Variants in PTPRE observed in about 807,000 individuals in gnomAD.
The protein encoded by PTPRE is protein tyrosine phosphatase receptor type E, also known as receptor-type tyrosine-protein phosphatase epsilon.
A neutral mutation model predicts 102.0 loss-of-function variants in PTPRE; 51 were observed. The observed-to-expected ratio is 0.50, with a 90% CI of 0.40 to 0.63. The LOEUF is 0.63. Among genes scored for constraint, PTPRE ranks in the 30% least tolerant of loss-of-function variants. The pLI is 0.00. For missense variants in PTPRE, 752 were observed against 915.1 expected, an observed-to-expected ratio of 0.82 and a Z score of 2.30; for synonymous variants, 345 against 348.2, an observed-to-expected ratio of 0.99 and a Z score of 0.10.
intron 1 of PTPRE, among the ~76,000 whole-genome samples, chr10:127,908,439 G>A (rs900408631): frequency 7.9e-5 from 12 of 151,946 alleles, no homozygotes; most frequent in African/African-American, 2.4e-4. Flanking sequence ...TGTGTATGTG[G>A]GTGGGGAGGG....
At chr10:128,019,794 G>T (rs61873755) in intron 2 of PTPRE, among the ~76,000 whole-genome samples, 1 of 152,176 alleles carries the variant, frequency 6.6e-6, no homozygotes, top group Non-Finnish European at 1.5e-5. Flanking sequence ...AGGGTCCTGC[G>T]AGAGGTGTTG....
chr10:128,065,377 C>A (rs938057187), intron 10 of PTPRE, among the ~76,000 whole-genome samples: 4 of 152,104 alleles, frequency 2.6e-5, no homozygotes, highest in African/African-American at 9.7e-5. Context: ...CATTCACTCG[C>A]GAAGTGATGG....
At chr10:128,007,905 C>T (rs1051940659) in intron 2 of PTPRE, among the ~76,000 whole-genome samples, 12 of 152,196 alleles carry the variant, frequency 7.9e-5, no homozygotes, top group African/African-American at 2.9e-4. Flanking sequence ...ATGATTGTCT[C>T]TGAAATAAGA....
chr10:128,045,257 A>G (rs1019388334), intron 3 of PTPRE, among the ~76,000 whole-genome samples: 1 of 152,202 alleles, frequency 6.6e-6, no homozygotes, highest in Admixed American at 6.5e-5. Flanking sequence ...CCCGTCTTCT[A>G]TGGAAGTACC....
At chr10:128,023,313 G>C (rs1012456931) in intron 2 of PTPRE, among the ~76,000 whole-genome samples, 3 of 151,584 alleles carry the variant, frequency 2.0e-5, no homozygotes, top group Admixed American at 6.6e-5. Context: ...ATAGGAAAAA[G>C]GATAGTATAT....
chr10:128,079,828 C>A, intron 20 of PTPRE, 133 bp downstream of exon 20: 1 of 1,228,812 alleles, frequency 8.1e-7, no homozygotes, highest in Non-Finnish European at 1.1e-6. Context: ...AAAGAGCCAG[C>A]TGCAATGTTT....
Position 128,070,421 on chromosome 10 carries a change from G to T in PTPRE, c.1264G>T (p.Asp422Tyr). The stretch of plus-strand genomic sequence containing the variant: ...CATGCACGGCACCACCACCCACTTC[G>T]ACAAGATCGGGCTGGAGGAGGAGTT... Reference protein sequence around the residue: ...QTMHGTTTHFDKIGLEEEFRK... With the variant: ...QTMHGTTTHFYKIGLEEEFRK... Residue 422 changes from aspartate to tyrosine, a missense_variant, in exon 14 of 21, where the codon GAC becomes TAC. Transcript: ENST00000254667. This position sits in a 1 kb window ranked among gnomAD's most constrained non-coding sequence, Gnocchi z 4.8. 6.2e-7 allele frequency: 1 copy of T among 1,614,100 alleles called. No individual in the cohort carries two copies. Among genetic ancestry groups the T allele is most frequent in the Non-Finnish European group, 8.5e-7 (1 of 1,180,000 alleles).
At chr10:127,946,751 T>C (rs574504025) in intron 1 of PTPRE, among the ~76,000 whole-genome samples, 17 of 152,218 alleles carry the variant, frequency 1.1e-4, no homozygotes, top group Admixed American at 8.5e-4. Flanking sequence ...AAACAAGGAA[T>C]CACAGGACAC....
chr10:127,915,881 C>A (rs1846169046), intron 1 of PTPRE, among the ~76,000 whole-genome samples: 1 of 151,422 alleles, frequency 6.6e-6, no homozygotes, highest in Non-Finnish European at 1.5e-5. Flanking sequence ...GCATTGGGTA[C>A]ATTTTAAACT....
chr10:127,950,587 G>A (rs1448457833), intron 1 of PTPRE, among the ~76,000 whole-genome samples: 2 of 152,170 alleles, frequency 1.3e-5, no homozygotes, highest in Non-Finnish European at 2.9e-5. Flanking sequence ...TTCTCTGTAG[G>A]CTGGACTTTA....
chr10:127,941,492 G>A (rs1043425043), intron 1 of PTPRE, among the ~76,000 whole-genome samples: 30 of 152,362 alleles, frequency 2.0e-4, no homozygotes, highest in African/African-American at 6.5e-4. Context: ...GGCTCAGCCC[G>A]CTGTGGGCTC....
intron 7 of PTPRE, 29 bp from the exon 8 acceptor site, chr10:128,060,897 CCTGGTCCTAATAT>C (rs2135947705): frequency 6.3e-7 from 1 of 1,575,136 alleles, no homozygotes; most frequent in East Asian, 2.2e-5. Context: ...CACTGTGATT[CCTGGTCCTAATAT>C]CTTGGCTTTG....
chr10:127,973,111 A>G (rs536784484), intron 1 of PTPRE, among the ~76,000 whole-genome samples: 1 of 152,252 alleles, frequency 6.6e-6, no homozygotes, highest in Non-Finnish European at 1.5e-5. Flanking sequence ...AGAATGGAGC[A>G]CTGCATATTT....
At chr10:127,950,966 G>T (rs752855323) in intron 1 of PTPRE, among the ~76,000 whole-genome samples, 1 of 151,974 alleles carries the variant, frequency 6.6e-6, no homozygotes, top group Non-Finnish European at 1.5e-5. Flanking sequence ...GCATCGTGGC[G>T]GGCGCCTATA....
intron 20 of PTPRE, among the ~76,000 whole-genome samples, chr10:128,082,494 C>T (rs1165210749): frequency 4.0e-5 from 6 of 151,124 alleles, no homozygotes; most frequent in Admixed American, 2.6e-4. Context: ...TTATTACAGA[C>T]GTTGAGCCAT....
At chr10:128,036,907 T>C (rs1847265566) in intron 2 of PTPRE, among the ~76,000 whole-genome samples, 1 of 152,214 alleles carries the variant, frequency 6.6e-6, no homozygotes, top group Non-Finnish European at 1.5e-5. Context: ...CTCGGGCTCC[T>C]GGACCACTCT....
In PTPRE at chr10:127,907,207, C is replaced by G. The variant is rs1037886120; in HGVS notation, c.-133C>G. ...CGTCCCCGCGACCCTTCTTCGCGCCCGGCGAAGACAGCCGGGCGCCCCGGA... is the reference window on the plus strand; with the variant it reads ...CGTCCCCGCGACCCTTCTTCGCGCCGGGCGAAGACAGCCGGGCGCCCCGGA... On this transcript the variant is annotated 5_prime_UTR_variant, in exon 1 of 21. Transcript: ENST00000254667. This position sits in a 1 kb window ranked among gnomAD's most constrained non-coding sequence, Gnocchi z 4.8. 15 of 969,778 alleles carry G rather than the reference C, an allele frequency of 1.5e-5. No individual in the cohort carries two copies. In the African/African-American group the frequency reaches 1.8e-4, roughly 11 times the overall value. The allele number at this position is 969,778 out of a possible 1,614,324, so 60.1% of individuals were successfully genotyped here.
At chr10:128,041,293 G>A (rs1376149779) in intron 3 of PTPRE, among the ~76,000 whole-genome samples, 5 of 152,090 alleles carry the variant, frequency 3.3e-5, no homozygotes, top group African/African-American at 1.2e-4. Context: ...ATCCCCTTGT[G>A]CAGAAAACCA....
chr10:128,014,509 AC>A (rs1279084096), intron 2 of PTPRE, among the ~76,000 whole-genome samples: 5 of 152,042 alleles, frequency 3.3e-5, no homozygotes, highest in East Asian at 3.9e-4. Flanking sequence ...TACACAAGAG[AC>A]CCATGCGAGG....
Sources: allele counts gnomAD v4.1 joint callset (sites outside exome capture counted in the v4.1 genomes callset), GRCh38; gene constraint gnomAD v4.1.1; non-coding constraint Gnocchi (gnomAD v3.1); transcripts MANE v1.5; gene names NCBI Gene and HGNC (gene_info 2026-07-23, HGNC 2026-07-21).